The following NFILZ variants were observed in gnomAD, a reference collection of about 807,000 sequenced individuals.
NFILZ encodes NFIL3 like basic leucine zipper, also known as NFIL3 like protein.
In NFILZ at chr19:8,653,029, T is replaced by C. The variant is rs1456855460; in HGVS notation, c.-164+17283T>C. Among the ~76,000 whole-genome samples the C allele has an allele frequency of 4.2e-4, 30 of 70,664 alleles. 2 individuals carry two copies. Among genetic ancestry groups the C allele is most frequent in the East Asian group, 1.8e-3 (5 of 2,760 alleles). The allele number at this position is 70,664 out of a possible 152,430, so 46.4% of individuals were successfully genotyped here. A position where few individuals can be genotyped will look rare whatever the true frequency, so the allele number is the denominator to read the frequency against. On this transcript the variant is annotated intron_variant, in intron 3 of 5. Transcript: ENST00000691075. ...CTTCCTTCCTTTCTTTCTTTCTTTC[T>C]TTCTTTCTTTCTCTCTCTCTCTCTC...
At chr19:8,631,157 T>G (rs1004867446) in intron 1 of NFILZ, among the ~76,000 whole-genome samples, 1 of 152,124 alleles carries the variant, frequency 6.6e-6, no homozygotes, top group Non-Finnish European at 1.5e-5. Flanking sequence ...AATCATTGCT[T>G]TAACTCAAAG....
chr19:8,672,303 C>A (rs142692048), intron 3 of NFILZ, among the ~76,000 whole-genome samples: 3,492 of 151,358 alleles, frequency 0.023, 131 homozygotes, highest in African/African-American at 0.08. Context: ...TTAGTTCATT[C>A]AAAAAAAATC....
intron 3 of NFILZ, among the ~76,000 whole-genome samples, chr19:8,656,482 C>A (rs1322679579): frequency 0.53 from 23,513 of 44,042 alleles, 6,288 homozygotes; most frequent in Non-Finnish European, 0.57. Flanking sequence ...CCTTCTCCCG[C>A]AGCCCACCTT....
intron 4 of NFILZ, among the ~76,000 whole-genome samples, chr19:8,675,833 T>C (rs2043107838): frequency 6.6e-6 from 1 of 152,064 alleles, no homozygotes; most frequent in East Asian, 1.9e-4. Context: ...GATGAATGAA[T>C]GGATTTGTAG....
intron 3 of NFILZ, among the ~76,000 whole-genome samples, chr19:8,662,131 G>A (rs933843316): frequency 6.6e-6 from 1 of 151,748 alleles, no homozygotes; most frequent in Admixed American, 6.6e-5. Context: ...CTTGAACACA[G>A]GAGGGTGAGG....
chr19:8,632,245 A>AGTGT (rs35056229), intron 1 of NFILZ, among the ~76,000 whole-genome samples: 6,361 of 145,208 alleles, frequency 0.044, 176 homozygotes, highest in Non-Finnish European at 0.058. Flanking sequence ...CCCGCCATAC[A>AGTGT]GTGTGTGTGT....
chr19:8,650,704 T>TA (rs201781332), intron 3 of NFILZ, among the ~76,000 whole-genome samples: 22 of 150,290 alleles, frequency 1.5e-4, no homozygotes, highest in Admixed American at 1.1e-3. Flanking sequence ...AAACTCATGC[T>TA]AAAAAAAAAG....
chr19:8,641,008 G>C (rs1483281809), intron 3 of NFILZ, among the ~76,000 whole-genome samples: 1 of 152,194 alleles, frequency 6.6e-6, no homozygotes, highest in African/African-American at 2.4e-5. Context: ...TTGTAACTAA[G>C]ACTGTTCTCT....
chr19:8,634,413 G>A (rs1287680302), intron 2 of NFILZ, among the ~76,000 whole-genome samples: 1 of 152,144 alleles, frequency 6.6e-6, no homozygotes, highest in Admixed American at 6.5e-5. Flanking sequence ...AGCCTCCTGA[G>A]TAGCTGGAAC....
intron 3 of NFILZ, among the ~76,000 whole-genome samples, chr19:8,640,183 C>T (rs1477974680): frequency 2.0e-5 from 3 of 152,164 alleles, no homozygotes; most frequent in African/African-American, 7.2e-5. Flanking sequence ...CAGTGCTTTG[C>T]GGGTGAACCG....
chr19:8,680,203 A>G lies in NFILZ; in HGVS notation c.*2568A>G, dbSNP rs2043139327. Among the ~76,000 whole-genome samples the G allele has an allele frequency of 7.7e-6, 1 of 130,422 alleles. No homozygotes were observed. Among genetic ancestry groups the G allele is most frequent in the Non-Finnish European group, 1.6e-5 (1 of 63,540 alleles). The allele number at this position is 130,422 out of a possible 152,430, so 85.6% of individuals were successfully genotyped here. A position where few individuals can be genotyped will look rare whatever the true frequency, so the allele number is the denominator to read the frequency against. ...AGAGCGAGACTCCATCTGAAAAAAA[A>G]AAAAAAAAAAAGGAAAAAGAAAAAA... On this transcript the variant is annotated 3_prime_UTR_variant, in exon 6 of 6. Transcript: ENST00000691075.
chr19:8,663,839 A>T (rs1433061082), intron 3 of NFILZ, among the ~76,000 whole-genome samples: 3 of 144,282 alleles, frequency 2.1e-5, no homozygotes, highest in Non-Finnish European at 4.5e-5. Flanking sequence ...GCTCTGGGGG[A>T]TGTAGGGACT....
intron 3 of NFILZ, among the ~76,000 whole-genome samples, chr19:8,649,913 G>C (rs1486979148): frequency 1.3e-5 from 2 of 151,870 alleles, no homozygotes; most frequent in African/African-American, 4.8e-5. Context: ...TCAGGAGTTC[G>C]ACACCAGCCT....
chr19:8,663,766 G>GTGTA (rs1600152015), intron 3 of NFILZ, among the ~76,000 whole-genome samples: 1 of 150,636 alleles, frequency 6.6e-6, no homozygotes, highest in Admixed American at 6.6e-5. Context: ...GTGTGTGTGT[G>GTGTA]TGTGTATGTA....
intron 3 of NFILZ, among the ~76,000 whole-genome samples, chr19:8,652,437 T>C (rs1253724154): frequency 6.6e-6 from 1 of 152,168 alleles, no homozygotes. Flanking sequence ...CAGCGGAGCA[T>C]TGCAAACCGT....
chr19:8,660,649 T>C (rs1220169925), intron 3 of NFILZ, among the ~76,000 whole-genome samples: 1 of 146,536 alleles, frequency 6.8e-6, no homozygotes, highest in East Asian at 2.2e-4. Context: ...ACTTTTTTTT[T>C]TTTTTAAGAT....
chr19:8,676,107 A>G (rs1555750689), intron 4 of NFILZ, among the ~76,000 whole-genome samples: 1 of 152,062 alleles, frequency 6.6e-6, no homozygotes, highest in Admixed American at 6.6e-5. Flanking sequence ...GAGTGAATGA[A>G]TGGATAAATG....
chr19:8,639,348 A>G (rs985956015), intron 3 of NFILZ, among the ~76,000 whole-genome samples: 7 of 152,024 alleles, frequency 4.6e-5, no homozygotes, highest in African/African-American at 1.7e-4. Flanking sequence ...AGGCTGAGGC[A>G]GGAGGATCAT....
At chr19:8,647,954 C>T (rs2918317) in intron 3 of NFILZ, among the ~76,000 whole-genome samples, 4 of 151,424 alleles carry the variant, frequency 2.6e-5, no homozygotes, top group Middle Eastern at 3.4e-3. Flanking sequence ...GGGTGGATCA[C>T]GAGATCAGGA....
Sources: gnomAD v4.1 joint callset for allele counts (sites outside exome capture counted in the v4.1 genomes callset) on GRCh38, gnomAD v4.1.1 for gene constraint, MANE v1.5 for transcripts, NCBI Gene and HGNC (gene_info 2026-07-23, HGNC 2026-07-21) for gene names.